CLIC4: variants seen among roughly 807,000 people sequenced by gnomAD.
The protein encoded by CLIC4 is chloride intracellular channel protein 4.
Under a neutral mutation model 24.6 loss-of-function variants are expected in CLIC4, and 13 were observed. The ratio of observed to expected loss-of-function variants is 0.53; its 90% CI spans 0.34 to 0.84. The LOEUF (loss-of-function observed/expected upper bound fraction) is 0.84. CLIC4 is among the 40% of genes least tolerant of loss of function. The pLI is 0.01. For synonymous variants in CLIC4, 104 were observed against 111.3 expected, an observed-to-expected ratio of 0.93 and a Z score of 0.41; for missense variants, 227 against 301.7, an observed-to-expected ratio of 0.75 and a Z score of 1.83.
At chr1:24,760,189 AC>A (rs898414726) in intron 1 of CLIC4, among the ~76,000 whole-genome samples, 1 of 151,466 alleles carries the variant, frequency 6.6e-6, no homozygotes, top group African/African-American at 2.4e-5. Flanking sequence ...ACATGGGGAA[AC>A]CCCGTCTCTA....
At chr1:24,806,081 T>C (rs1037265560) in intron 2 of CLIC4, among the ~76,000 whole-genome samples, 1 of 152,248 alleles carries the variant, frequency 6.6e-6, no homozygotes, top group African/African-American at 2.4e-5. Context: ...AAGGGAAATA[T>C]TTGAATGAGT....
chr1:24,819,659 G>A (rs190957870), intron 3 of CLIC4, among the ~76,000 whole-genome samples: 1 of 151,894 alleles, frequency 6.6e-6, no homozygotes, highest in Admixed American at 6.6e-5. Flanking sequence ...GGCTGGTCTC[G>A]AACTCTGGAC....
intron 3 of CLIC4, among the ~76,000 whole-genome samples, chr1:24,819,215 TTC>T (rs1639701860): frequency 6.6e-6 from 1 of 152,146 alleles, no homozygotes; most frequent in Admixed American, 6.5e-5. Flanking sequence ...AGCCTGGAGC[TTC>T]TTTTTTTCTC....
intron 2 of CLIC4, among the ~76,000 whole-genome samples, chr1:24,808,651 T>G (rs4322182): frequency 6.6e-6 from 1 of 150,668 alleles, no homozygotes; most frequent in African/African-American, 2.4e-5. Context: ...TTTGTAGAGA[T>G]GGGAGATCTA....
chr1:24,789,530 C>T (rs183258007), intron 1 of CLIC4, among the ~76,000 whole-genome samples: 25 of 152,022 alleles, frequency 1.6e-4, no homozygotes, highest in African/African-American at 5.8e-4. Flanking sequence ...AACAAATAAA[C>T]AAACAAAAAA....
intron 4 of CLIC4, among the ~76,000 whole-genome samples, chr1:24,835,499 G>C (rs1639877671): frequency 6.6e-6 from 1 of 152,214 alleles, no homozygotes; most frequent in Non-Finnish European, 1.5e-5. Flanking sequence ...GGAGGCGGAG[G>C]TTGCAGCGAG....
At chr1:24,800,070 C>T (rs1303783247) in intron 2 of CLIC4, among the ~76,000 whole-genome samples, 1 of 2,666 alleles carries the variant, frequency 3.8e-4, no homozygotes, top group Admixed American at 2.1e-3. Flanking sequence ...CCTGCCCGGC[C>T]AGCTGCCCCG....
chr1:24,747,433 C>CTGAGGCAGG (rs1400323798), intron 1 of CLIC4, among the ~76,000 whole-genome samples: 1 of 148,914 alleles, frequency 6.7e-6, no homozygotes, highest in Non-Finnish European at 1.5e-5. Context: ...ACTCGGGAGG[C>CTGAGGCAGG]TGAGGCAGGA....
chr1:24,763,043 C>T lies in CLIC4; in HGVS notation c.72+17418C>T, dbSNP rs543880229. 4.6e-5 allele frequency among the ~76,000 whole-genome samples: 7 copies of T among 152,260 alleles called. No homozygotes were observed. The South Asian group carries it at 6.2e-4, about 14-fold the overall frequency. ...CCCTCAGTGGTATGTATTGCTTCTT[C>T]GTATGAATTTTCATACAACCTTCCC... On this transcript the variant is annotated intron_variant, in intron 1 of 5. Coordinates refer to ENST00000374379, the MANE Select transcript of CLIC4 (RefSeq NM_013943.3).
At chr1:24,813,986 C>T (rs570806231) in intron 2 of CLIC4, 108 bp from the exon 3 acceptor site, 21 of 1,289,126 alleles carry the variant, frequency 1.6e-5, no homozygotes, top group East Asian at 2.4e-5. Context: ...TGTAGTGCTA[C>T]GACTACAGAC....
intron 1 of CLIC4, among the ~76,000 whole-genome samples, chr1:24,758,787 G>T (rs1268684894): frequency 6.6e-6 from 1 of 151,722 alleles, no homozygotes; most frequent in East Asian, 1.9e-4. Flanking sequence ...AAGTTTGCAT[G>T]AATTATTATT....
chr1:24,783,308 C>G (rs973900256), intron 1 of CLIC4, among the ~76,000 whole-genome samples: 2 of 152,170 alleles, frequency 1.3e-5, no homozygotes, highest in Non-Finnish European at 2.9e-5. Flanking sequence ...AAAATCCAGC[C>G]TACTCTGCTA....
intron 1 of CLIC4, among the ~76,000 whole-genome samples, chr1:24,774,416 T>C (rs1391114088): frequency 6.6e-6 from 1 of 152,272 alleles, no homozygotes; most frequent in Non-Finnish European, 1.5e-5. Context: ...TTGACTTCTC[T>C]TCCATTCTTT....
chr1:24,830,329 A>G (rs1485169838), intron 4 of CLIC4, among the ~76,000 whole-genome samples: 3 of 152,178 alleles, frequency 2.0e-5, no homozygotes, highest in Non-Finnish European at 4.4e-5. Flanking sequence ...TTTCACTTAT[A>G]TGGTAGAAAT....
rs1364330266 is a variant in CLIC4, at chr1:24,840,999, G to C, written c.*62G>C. The C allele has an allele frequency of 7.1e-7, 1 of 1,401,644 alleles. No individual in the cohort carries two copies. Among genetic ancestry groups the C allele is most frequent in the Non-Finnish European group, 9.7e-7 (1 of 1,028,004 alleles). 86.8% of individuals were successfully genotyped at this position (1,401,644 alleles called of 1,614,324 possible). On this transcript the variant is annotated 3_prime_UTR_variant, in exon 6 of 6. Coordinates refer to ENST00000374379, the MANE Select transcript of CLIC4 (RefSeq NM_013943.3). ...CCTAAGAATACGCTTTTCCTAACAGGCTACTCCTTCCTGTAGAGCAGAAAT... is the reference window on the plus strand; with the variant it reads ...CCTAAGAATACGCTTTTCCTAACAGCCTACTCCTTCCTGTAGAGCAGAAAT...
intron 4 of CLIC4, among the ~76,000 whole-genome samples, chr1:24,831,328 G>C (rs576306182): frequency 6.6e-6 from 1 of 152,204 alleles, no homozygotes; most frequent in South Asian, 2.1e-4. Flanking sequence ...CTCCCAAAGT[G>C]CTGAGATTAC....
intron 1 of CLIC4, among the ~76,000 whole-genome samples, chr1:24,776,241 G>GT (rs1639139390): frequency 6.6e-6 from 1 of 152,220 alleles, no homozygotes; most frequent in Admixed American, 6.5e-5. Context: ...GCTCTAGACT[G>GT]TTTTTTGGCT....
intron 1 of CLIC4, among the ~76,000 whole-genome samples, chr1:24,787,622 C>T (rs1001302414): frequency 1.3e-5 from 2 of 151,754 alleles, no homozygotes; most frequent in Non-Finnish European, 2.9e-5. Flanking sequence ...CTGCAAGCTC[C>T]GCCTCCCGTG....
At chr1:24,797,898 T>G in intron 2 of CLIC4, 47 bp downstream of exon 2, 1 of 1,277,936 alleles carries the variant, frequency 7.8e-7, no homozygotes, top group African/African-American at 1.5e-5. Context: ...GAACTATCTT[T>G]TCAGTTTGAT....
Sources: allele counts gnomAD v4.1 joint callset (sites outside exome capture counted in the v4.1 genomes callset), GRCh38; gene constraint gnomAD v4.1.1; transcripts MANE v1.5; gene names NCBI Gene and HGNC (gene_info 2026-07-23, HGNC 2026-07-21).